DNAJB2: variants seen among roughly 807,000 people sequenced by gnomAD.
The protein encoded by DNAJB2 is DnaJ heat shock protein family (Hsp40) member B2.
A neutral mutation model predicts 33.3 loss-of-function variants in DNAJB2; 19 were observed. That is an observed-to-expected ratio of 0.57 (90% confidence interval 0.40 to 0.84). DNAJB2 has a LOEUF of 0.84. Ranked by LOEUF, DNAJB2 falls within the 40% of genes least tolerant of loss-of-function variation. DNAJB2 has a pLI of 0.00. For synonymous variants in DNAJB2, 172 were observed against 164.6 expected, an observed-to-expected ratio of 1.04 and a Z score of -0.34; for missense variants, 368 against 430.9, an observed-to-expected ratio of 0.85 and a Z score of 1.29.
At position 219,284,676 on chromosome 2, in the gene DNAJB2, G is replaced by C; in HGVS notation, c.664G>C (p.Glu222Gln). The C allele has an allele frequency of 1.2e-6, 2 of 1,608,072 alleles. No individual in the cohort carries two copies. Among genetic ancestry groups the C allele is most frequent in the Non-Finnish European group, 1.7e-6 (2 of 1,176,344 alleles). The change falls in exon 9 of 9, where the codon GAG (glutamate) becomes CAG (glutamine). Residue 222 changes from glutamate (E) to glutamine (Q), a missense_variant. Glu to Gln is a conservative substitution (Grantham distance 29). Coordinates refer to ENST00000336576, the MANE Select transcript of DNAJB2 (RefSeq NM_006736.6). Reference sequence around the variant, plus strand: ...ACTGGGCTTGGAGCTGAGCCGTCGCGAGCAGCAGCCGTCAGTCACTTCCAG... The same window carrying C: ...ACTGGGCTTGGAGCTGAGCCGTCGCCAGCAGCAGCCGTCAGTCACTTCCAG... ...LALGLELSRR[E>Q]QQPSVTSRSG...
rs866357496 is a variant in DNAJB2, at chr2:219,285,201, G to C, written c.*214G>C. 1.8e-5 allele frequency: 22 copies of C among 1,248,138 alleles called. No homozygotes were observed. In the Middle Eastern group the frequency reaches 1.9e-3, roughly 105 times the overall value. 77.3% of individuals were successfully genotyped at this position (1,248,138 alleles called of 1,614,324 possible). Reference sequence around the variant, plus strand: ...ATAGGTCCCTGGTGAAGCCCAGGGTGGGGGGTGTCAGGGCAGTGGAGGGGC... The same window carrying C: ...ATAGGTCCCTGGTGAAGCCCAGGGTCGGGGGTGTCAGGGCAGTGGAGGGGC... On this transcript the variant is annotated 3_prime_UTR_variant, in exon 9 of 9. Transcript: ENST00000336576.
Position 219,284,625 on chromosome 2 carries a change from C to T in DNAJB2, c.620-7C>T, listed in dbSNP as rs759104325. ...TTGGGGCCTCATGGTGGCTGTGACT[C>T]TTGCAGGTGTCCCAGATGACCTGGC... On this transcript the variant is annotated splice_region_variant and splice_polypyrimidine_tract_variant and intron_variant, in intron 8 of 8. Transcript: ENST00000336576. 4.4e-6 allele frequency: 7 copies of T among 1,576,306 alleles called. No homozygotes were observed. The highest frequency in any genetic ancestry group is 1.7e-5 in the Admixed American group (1 of 58,294).
In DNAJB2 at chr2:219,279,964, A is replaced by C. The variant is rs1450769807; in HGVS notation, c.65+66A>C. On this transcript the variant is annotated intron_variant, in intron 2 of 8. Transcript: ENST00000336576. The surrounding 1 kb of genome is among the most constrained non-coding windows in gnomAD (Gnocchi z 4.9). ...ACCCGCCACCACCATGGGGCACTTCAGAGTGACACCTGTAGGTGTCTGAGG... is the reference window on the plus strand; with the variant it reads ...ACCCGCCACCACCATGGGGCACTTCCGAGTGACACCTGTAGGTGTCTGAGG... 3 of 1,580,162 alleles carry C rather than the reference A, an allele frequency of 1.9e-6. No homozygotes were observed. The highest frequency in any genetic ancestry group is 2.6e-6 in the Non-Finnish European group (3 of 1,152,918).
Position 219,285,665 on chromosome 2 carries a change from G to T in DNAJB2, c.*678G>T. 1 of 1,168,174 alleles carries T rather than the reference G, an allele frequency of 8.6e-7. No individual in the cohort carries two copies. The highest frequency in any genetic ancestry group is 1.1e-6 in the Non-Finnish European group (1 of 944,100). The allele number at this position is 1,168,174 out of a possible 1,614,324, so 72.4% of individuals were successfully genotyped here. On this transcript the variant is annotated 3_prime_UTR_variant, in exon 9 of 9. Transcript: ENST00000336576. ...CGGTAGGGCTGTGAGATCTTCTGGG[G>T]AGGCTAGCCGGGTGGGGCGGGAGCC...
rs776887529 is a variant in DNAJB2 at position 219,280,696 on chromosome 2, C to T, written c.175+9C>T. Reference sequence around the variant, plus strand: ...TGAAGTGCTGTCTGACAGTAAGGGCCGGGGTCAGGCAGGACCCAGCACATC... The same window carrying T: ...TGAAGTGCTGTCTGACAGTAAGGGCTGGGGTCAGGCAGGACCCAGCACATC... On this transcript the variant is annotated intron_variant, in intron 3 of 8. Coordinates refer to ENST00000336576, the MANE Select transcript of DNAJB2 (RefSeq NM_006736.6). The T allele has an allele frequency of 1.3e-5, 21 of 1,600,300 alleles. No homozygotes were observed. The highest frequency in any genetic ancestry group is 8.8e-5 in the South Asian group (8 of 90,562).
At position 219,279,552 on chromosome 2, in the gene DNAJB2, C is replaced by T; in HGVS notation, c.-37+34C>T. The stretch of plus-strand genomic sequence containing the variant: ...GGGGGCCCGGGTCAGGCTGGGGGCC[C>T]TGGATCGGACTGCTGGAGTTGGGGG... On this transcript the variant is annotated intron_variant, in intron 1 of 8. Coordinates refer to ENST00000336576, the MANE Select transcript of DNAJB2 (RefSeq NM_006736.6). The surrounding 1 kb of genome is among the most constrained non-coding windows in gnomAD (Gnocchi z 4.9). 4.9e-6 allele frequency: 2 copies of T among 405,580 alleles called. No homozygotes were observed. The highest frequency in any genetic ancestry group is 4.9e-5 in the East Asian group (1 of 20,204). 25.1% of individuals were successfully genotyped at this position (405,580 alleles called of 1,614,324 possible).
rs772144110 is a variant in DNAJB2 at position 219,285,348 on chromosome 2, C to G, written c.*361C>G. On this transcript the variant is annotated 3_prime_UTR_variant, in exon 9 of 9. Coordinates refer to ENST00000336576, the MANE Select transcript of DNAJB2 (RefSeq NM_006736.6). ...TGCTGATGGTGTCAAGGAAGGAGGA[C>G]TTGGCCTAGGGTTGTCTGAGCCGGA... is the stretch of plus-strand genomic sequence containing the variant. 6 of 1,030,176 alleles carry G rather than the reference C, an allele frequency of 5.8e-6. No individual in the cohort carries two copies. Among genetic ancestry groups the G allele is most frequent in the Middle Eastern group, 4.6e-4 (1 of 2,180 alleles). 63.8% of individuals were successfully genotyped at this position (1,030,176 alleles called of 1,614,324 possible). A position where few individuals can be genotyped will look rare whatever the true frequency, so the allele number is the denominator to read the frequency against.
Position 219,285,305 on chromosome 2 carries a change from G to A in DNAJB2, c.*318G>A. On this transcript the variant is annotated 3_prime_UTR_variant, in exon 9 of 9. Coordinates refer to ENST00000336576, the MANE Select transcript of DNAJB2 (RefSeq NM_006736.6). ...TTTGGGCTGGGCCTTTTGTGCCCTGGTACTCTGCCACCTGTGTTGCTGATG... is the reference window on the plus strand; with the variant it reads ...TTTGGGCTGGGCCTTTTGTGCCCTGATACTCTGCCACCTGTGTTGCTGATG... 2.8e-6 allele frequency: 3 copies of A among 1,075,576 alleles called. No individual in the cohort carries two copies. Among genetic ancestry groups the A allele is most frequent in the African/African-American group, 1.6e-5 (1 of 60,844 alleles). The allele number at this position is 1,075,576 out of a possible 1,614,324, so 66.6% of individuals were successfully genotyped here.
At chr2:219,281,236 CAG>C (rs1426321133) in intron 3 of DNAJB2, 66 of 188,610 alleles carry the variant, frequency 3.5e-4, no homozygotes, top group Middle Eastern at 2.2e-3. Context: ...GGCACACACA[CAG>C]ACACAGTTAC....
chr2:219,286,021 G>T lies in DNAJB2; in HGVS notation c.*1034G>T. 2 of 1,612,220 alleles carry T rather than the reference G, an allele frequency of 1.2e-6. No homozygotes were observed. Among genetic ancestry groups the T allele is most frequent in the South Asian group, 1.1e-5 (1 of 91,064 alleles). ...GAGCTGGATGCCGGGTTCCAGAATCGCTGCACAGTTCCAACAGGACAGCGC... is the reference window on the plus strand; with the variant it reads ...GAGCTGGATGCCGGGTTCCAGAATCTCTGCACAGTTCCAACAGGACAGCGC... On this transcript the variant is annotated 3_prime_UTR_variant, in exon 9 of 9. Transcript: ENST00000336576.
chr2:219,279,937 C>T lies in DNAJB2; in HGVS notation c.65+39C>T, dbSNP rs745505914. The T allele has an allele frequency of 1.9e-6, 3 of 1,607,332 alleles. No homozygotes were observed. The highest frequency in any genetic ancestry group is 2.2e-5 in the South Asian group (2 of 90,798). On this transcript the variant is annotated intron_variant, in intron 2 of 8. Coordinates refer to ENST00000336576, the MANE Select transcript of DNAJB2 (RefSeq NM_006736.6). The surrounding 1 kb of genome is among the most constrained non-coding windows in gnomAD (Gnocchi z 4.9). ...TATGCAACAGAAGACCTCTCACCCT[C>T]CACCCGCCACCACCATGGGGCACTT...
In DNAJB2 at chr2:219,279,907, C is replaced by G; in HGVS notation, c.65+9C>G. 6.2e-7 allele frequency: 1 copy of G among 1,613,850 alleles called. No homozygotes were observed. Among genetic ancestry groups the G allele is most frequent in the Non-Finnish European group, 8.5e-7 (1 of 1,179,940 alleles). On this transcript the variant is annotated intron_variant, in intron 2 of 8. Coordinates refer to ENST00000336576, the MANE Select transcript of DNAJB2 (RefSeq NM_006736.6). The surrounding 1 kb of genome is among the most constrained non-coding windows in gnomAD (Gnocchi z 4.9). ...GATGACATCAAGAAGGCGTAAGTGC[C>G]TCCGTATGCAACAGAAGACCTCTCA...
Position 219,285,621 on chromosome 2 carries a change from G to T in DNAJB2, c.*634G>T. On this transcript the variant is annotated 3_prime_UTR_variant, in exon 9 of 9. Coordinates refer to ENST00000336576, the MANE Select transcript of DNAJB2 (RefSeq NM_006736.6). ...CCTTCCCCGAGAAGGCCTCAATGTG[G>T]CGAGGAAGATGCTGGGGCCGGTAGG... The T allele has an allele frequency of 9.1e-7, 1 of 1,097,324 alleles. No individual in the cohort carries two copies. The highest frequency in any genetic ancestry group is 1.1e-6 in the Non-Finnish European group (1 of 900,876). 68.0% of individuals were successfully genotyped at this position (1,097,324 alleles called of 1,614,324 possible). A position where few individuals can be genotyped will look rare whatever the true frequency, so the allele number is the denominator to read the frequency against.
At chr2:219,281,630 C>A in intron 3 of DNAJB2, 88 bp from the exon 4 acceptor site, 2 of 1,561,854 alleles carry the variant, frequency 1.3e-6, no homozygotes, top group Admixed American at 1.7e-5. Context: ...GTCAGAGTGT[C>A]AGTCTCTGGA....
rs780605624 is a variant in DNAJB2 at position 219,283,160 on chromosome 2, G to T, written c.473G>T (p.Ser158Ile). 3.0e-5 allele frequency: 49 copies of T among 1,614,084 alleles called. No individual in the cohort carries two copies. Among genetic ancestry groups the T allele is most frequent in the Non-Finnish European group, 4.0e-5 (47 of 1,180,048 alleles). ...SDFSSSSFSF[S>I]PGAGAFRSVS... ...TTCTCCTCCTCATCTTTCTCCTTCA[G>T]TCCTGGGGCTGGTGCTTTTCGCTCT... Residue 158 changes from serine (S) to isoleucine (I), a missense_variant, in exon 7 of 9, where the codon AGT (serine) becomes ATT (isoleucine). Coordinates refer to ENST00000336576, the MANE Select transcript of DNAJB2 (RefSeq NM_006736.6).
chr2:219,283,083 GCA>G (rs1951920867), intron 6 of DNAJB2, 48 bp from the exon 7 acceptor site: 8 of 1,603,596 alleles, frequency 5.0e-6, no homozygotes, highest in Non-Finnish European at 6.8e-6. Flanking sequence ...AACAGGCAGC[GCA>G]GTCTTCTTCT....
chr2:219,280,291 A>G, intron 2 of DNAJB2: 3 of 535,644 alleles, frequency 5.6e-6, no homozygotes, highest in Non-Finnish European at 6.7e-6. Context: ...CTTCGAGGCC[A>G]CATGTGCCCC....
Position 219,285,391 on chromosome 2 carries a change from A to G in DNAJB2, c.*404A>G, listed in dbSNP as rs1306829593. On this transcript the variant is annotated 3_prime_UTR_variant, in exon 9 of 9. Transcript: ENST00000336576. ...GAGCCGGAGCCGGCAGCTCCACTGG[A>G]GAGCAGTGCAGGCAGAGTGGAGCCT... is the stretch of plus-strand genomic sequence containing the variant. 1 of 1,011,530 alleles carries G rather than the reference A, an allele frequency of 9.9e-7. No homozygotes were observed. Among genetic ancestry groups the G allele is most frequent in the Admixed American group, 5.4e-5 (1 of 18,568 alleles). The allele number at this position is 1,011,530 out of a possible 1,614,324, so 62.7% of individuals were successfully genotyped here.
Position 219,280,589 on chromosome 2 carries a change from A to G in DNAJB2, c.77A>G (p.Lys26Arg). ...ADDIKKAYRR[K>R]ALQWHPDKNP... ...CCCACTTTCTGCAGGTATCGGCGCAAGGCTCTCCAGTGGCACCCAGACAAA... is the reference window on the plus strand; with the variant it reads ...CCCACTTTCTGCAGGTATCGGCGCAGGGCTCTCCAGTGGCACCCAGACAAA... The change falls in exon 3 of 9, where the codon AAG becomes AGG. Residue 26 changes from lysine (K) to arginine (R), a missense_variant. Transcript: ENST00000336576. The G allele has an allele frequency of 1.2e-6, 2 of 1,614,018 alleles. No homozygotes were observed. The highest frequency in any genetic ancestry group is 1.7e-6 in the Non-Finnish European group (2 of 1,179,974).
Sources: gnomAD v4.1 joint callset for allele counts on GRCh38, gnomAD v4.1.1 for gene constraint, Gnocchi (gnomAD v3.1) non-coding constraint, MANE v1.5 for transcripts, NCBI Gene and HGNC (gene_info 2026-07-23, HGNC 2026-07-21) for gene names.